The following LRP1B variants were observed in gnomAD, a reference collection of about 807,000 sequenced individuals.
LRP1B encodes the protein low-density lipoprotein receptor-related protein 1B.
A neutral mutation model predicts 556.6 loss-of-function variants in LRP1B; 217 were observed. That is an observed-to-expected ratio of 0.39 (90% CI 0.35 to 0.44). The LOEUF is 0.44. LRP1B is among the 20% of genes least tolerant of loss of function. The pLI, the probability that LRP1B is intolerant of heterozygous loss-of-function variation, is 1.00. For missense variants in LRP1B, 5,053 were observed against 5,620.8 expected, an observed-to-expected ratio of 0.90 and a Z score of 3.23; for synonymous variants, 2,047 against 1,865.8, an observed-to-expected ratio of 1.10 and a Z score of -2.50.
At chr2:140,449,507 AGTGG>A (rs1686800996) in intron 63 of LRP1B, among the ~76,000 whole-genome samples, 1 of 152,158 alleles carries the variant, frequency 6.6e-6, no homozygotes, top group Non-Finnish European at 1.5e-5. Context: ...ATCAAAGAGC[AGTGG>A]ATCTTTCAGA....
At chr2:141,192,834 GTA>G (rs1246762691) in intron 6 of LRP1B, among the ~76,000 whole-genome samples, 3 of 151,920 alleles carry the variant, frequency 2.0e-5, no homozygotes, top group Non-Finnish European at 4.4e-5. Flanking sequence ...TTGTAAAGTA[GTA>G]TATAAATACA....
intron 1 of LRP1B, among the ~76,000 whole-genome samples, chr2:142,070,088 A>T (rs1187172939): frequency 1.3e-5 from 2 of 151,792 alleles, no homozygotes; most frequent in African/African-American, 4.8e-5. Flanking sequence ...TTTAAATGTA[A>T]CACATTCCAC....
chr2:141,989,197 T>G (rs1574566248), intron 1 of LRP1B, among the ~76,000 whole-genome samples: 1 of 152,062 alleles, frequency 6.6e-6, no homozygotes, highest in East Asian at 1.9e-4. Flanking sequence ...TTTCTACCAC[T>G]GTCATATAAT....
At chr2:141,002,815 G>A (rs1697464290) in intron 15 of LRP1B, among the ~76,000 whole-genome samples, 1 of 151,848 alleles carries the variant, frequency 6.6e-6, no homozygotes, top group Non-Finnish European at 1.5e-5. Flanking sequence ...CAGTGATCTA[G>A]GCCTAAAAAT....
At chr2:141,702,591 G>C (rs561834770) in intron 2 of LRP1B, among the ~76,000 whole-genome samples, 1 of 151,898 alleles carries the variant, frequency 6.6e-6, no homozygotes, top group African/African-American at 2.4e-5. Context: ...TTCCCAGTGG[G>C]GACATTGATA....
intron 7 of LRP1B, among the ~76,000 whole-genome samples, chr2:141,127,847 A>C (rs938689756): frequency 6.6e-6 from 1 of 152,038 alleles, no homozygotes; most frequent in African/African-American, 2.4e-5. Flanking sequence ...ATTACACTCT[A>C]TTTTCCTGGT....
At chr2:141,215,030 T>C (rs894006060) in intron 6 of LRP1B, among the ~76,000 whole-genome samples, 5 of 152,170 alleles carry the variant, frequency 3.3e-5, no homozygotes, top group Non-Finnish European at 5.9e-5. Flanking sequence ...AAATCTCATG[T>C]TAAATTGTAA....
intron 1 of LRP1B, among the ~76,000 whole-genome samples, chr2:141,838,801 T>C (rs1443098496): frequency 1.3e-5 from 2 of 152,190 alleles, no homozygotes; most frequent in African/African-American, 4.8e-5. Flanking sequence ...AATTTTTAAA[T>C]GAAGTGAATG....
In LRP1B at chr2:141,064,803, T is replaced by C. The variant is rs373090005; in HGVS notation, c.1014-2530A>G. ...AGTGGAGGCATAGCTGTATTACAAT[T>C]GGTAAACACAAGCTAACATTTTTAA... On this transcript the variant is annotated intron_variant, in intron 7 of 90. Coordinates refer to ENST00000389484, the MANE Select transcript of LRP1B (RefSeq NM_018557.3). 2.6e-5 allele frequency among the ~76,000 whole-genome samples: 4 copies of C among 152,054 alleles called. No homozygotes were observed. In the South Asian group the frequency reaches 8.3e-4, roughly 31 times the overall value.
At chr2:140,897,119 C>A (rs1399590938) in intron 23 of LRP1B, among the ~76,000 whole-genome samples, 1 of 152,134 alleles carries the variant, frequency 6.6e-6, no homozygotes, top group Non-Finnish European at 1.5e-5. Context: ...TTCATTGTAA[C>A]TTTAAAAGAT....
chr2:140,459,270 G>A (rs1269451938), intron 60 of LRP1B, among the ~76,000 whole-genome samples: 1 of 152,100 alleles, frequency 6.6e-6, no homozygotes, highest in Non-Finnish European at 1.5e-5. Context: ...GTGGCAAAAT[G>A]TTAATAATTA....
At chr2:141,489,471 G>A (rs908142458) in intron 2 of LRP1B, among the ~76,000 whole-genome samples, 4 of 151,766 alleles carry the variant, frequency 2.6e-5, no homozygotes, top group Non-Finnish European at 5.9e-5. Context: ...AACAGTTACA[G>A]CAATCTAGAC....
chr2:140,867,934 T>A, intron 26 of LRP1B, 100 bp from the exon 27 acceptor site: 1 of 1,344,386 alleles, frequency 7.4e-7, no homozygotes. Context: ...AGGTATTTTA[T>A]AAATATTTTT....
chr2:141,254,630 T>C lies in LRP1B; in HGVS notation c.355A>G (p.Asn119Asp), dbSNP rs375213305. 6.2e-7 allele frequency: 1 copy of C among 1,608,614 alleles called. No homozygotes were observed. The highest frequency in any genetic ancestry group is 1.3e-5 in the African/African-American group (1 of 74,760). ...EGVHCQELLS[N>D]CQQLNCQYKC... ...TACTGACAATTCAGCTGTTGGCAAT[T>C]GGATAACAGTTCTGTAGAGAAAAAA... The change falls in exon 4 of 91, where the codon AAT becomes GAT. Residue 119 changes from asparagine (N) to aspartate (D), a missense_variant. Transcript: ENST00000389484.
chr2:140,519,073 C>T (rs976876998), intron 49 of LRP1B, among the ~76,000 whole-genome samples: 1 of 152,146 alleles, frequency 6.6e-6, no homozygotes, highest in African/African-American at 2.4e-5. Flanking sequence ...CCCCATCAAG[C>T]TACCAATGAC....
At chr2:141,005,267 G>T (rs963920519) in intron 15 of LRP1B, 68 bp downstream of exon 15, 3 of 1,528,472 alleles carry the variant, frequency 2.0e-6, no homozygotes, top group East Asian at 2.3e-5. Context: ...AATTCCTTTA[G>T]TTTCTTCTGC....
intron 3 of LRP1B, among the ~76,000 whole-genome samples, chr2:141,310,513 T>C (rs1686772698): frequency 6.6e-6 from 1 of 152,110 alleles, no homozygotes; most frequent in Non-Finnish European, 1.5e-5. Flanking sequence ...ATTGGAGAGA[T>C]CAAGTTCTAA....
At chr2:141,813,979 C>A (rs1161786643) in intron 1 of LRP1B, among the ~76,000 whole-genome samples, 1 of 152,060 alleles carries the variant, frequency 6.6e-6, no homozygotes, top group Non-Finnish European at 1.5e-5. Flanking sequence ...TTTGAAACCA[C>A]AAGTCTCAGG....
intron 1 of LRP1B, among the ~76,000 whole-genome samples, chr2:142,130,057 A>C (rs1202382838): frequency 6.6e-6 from 1 of 152,116 alleles, no homozygotes; most frequent in African/African-American, 2.4e-5. Flanking sequence ...TCGAAAAGTC[A>C]ATTTCAAGCA....
Sources: allele counts gnomAD v4.1 joint callset (sites outside exome capture counted in the v4.1 genomes callset), GRCh38; gene constraint gnomAD v4.1.1; transcripts MANE v1.5; gene names NCBI Gene and HGNC (gene_info 2026-07-23, HGNC 2026-07-21).